Variants in UNC79 observed in about 807,000 individuals in gnomAD.
The protein encoded by UNC79 is protein unc-79 homolog.
Under a neutral mutation model 283.1 loss-of-function variants are expected in UNC79, and 37 were observed. The ratio of observed to expected loss-of-function variants is 0.13; its 90% CI spans 0.10 to 0.17. The LOEUF (loss-of-function observed/expected upper bound fraction) is 0.17, where lower values mean the gene tolerates loss of function less well. Ranked by LOEUF, UNC79 falls within the 10% of genes least tolerant of loss-of-function variation. The pLI is 1.00. For synonymous variants in UNC79, 1,107 were observed against 1,200.2 expected (o/e 0.92, Z 1.61); for missense variants, 2,272 against 3,211.1 (o/e 0.71, Z 7.07).
chr14:93,571,446 G>T (rs370536810), intron 14 of UNC79, among the ~76,000 whole-genome samples: 1 of 152,130 alleles, frequency 6.6e-6, no homozygotes, highest in Non-Finnish European at 1.5e-5. Flanking sequence ...GTGTACTACC[G>T]TATTTCCTGT....
intron 1 of UNC79, among the ~76,000 whole-genome samples, chr14:93,362,914 T>G (rs2054255276): frequency 1.3e-5 from 2 of 152,140 alleles, no homozygotes; most frequent in African/African-American, 4.8e-5. Flanking sequence ...ATCAATCATA[T>G]TCTTTCAAAG....
chr14:93,349,686 G>GA (rs2053943887), intron 1 of UNC79, among the ~76,000 whole-genome samples: 1 of 152,120 alleles, frequency 6.6e-6, no homozygotes, highest in Non-Finnish European at 1.5e-5. Context: ...ATCATGCCTT[G>GA]AAAGTGGACT....
At chr14:93,422,996 G>T (rs1044786342) in intron 1 of UNC79, among the ~76,000 whole-genome samples, 14 of 146,858 alleles carry the variant, frequency 9.5e-5, no homozygotes, top group Non-Finnish European at 1.5e-4. Context: ...CTGGGAGGTG[G>T]AGCTTGCAGT....
intron 14 of UNC79, among the ~76,000 whole-genome samples, chr14:93,562,088 G>A (rs987831684): frequency 6.6e-6 from 1 of 152,170 alleles, no homozygotes; most frequent in Non-Finnish European, 1.5e-5. Flanking sequence ...GAGTACTTGC[G>A]ACTTCCAGGA....
intron 30 of UNC79, among the ~76,000 whole-genome samples, chr14:93,628,553 G>A (rs1300851269): frequency 2.6e-5 from 4 of 152,110 alleles, no homozygotes; most frequent in Non-Finnish European, 5.9e-5. Context: ...ATTATTGTCT[G>A]TCTCTCCCCT....
Position 93,388,273 on chromosome 14 carries a change from G to A in UNC79, c.-351+54750G>A, listed in dbSNP as rs190777292. ...ACTACAGGCACATACCACCACACCC[G>A]ACTATAAAAGTTAATATTCTATAGC... is the stretch of plus-strand genomic sequence containing the variant. On this transcript the variant is annotated intron_variant, in intron 1 of 49. Transcript: ENST00000256339. 3.9e-5 allele frequency among the ~76,000 whole-genome samples: 6 copies of A among 152,158 alleles called. No individual in the cohort carries two copies. In the East Asian group the frequency reaches 1.2e-3, roughly 29 times the overall value.
chr14:93,631,316 G>C lies in UNC79; in HGVS notation c.5716+408G>C. Among the ~76,000 whole-genome samples, 2 of 152,140 alleles carry C rather than the reference G, an allele frequency of 1.3e-5. 1 individual carries two copies. Among genetic ancestry groups the C allele is most frequent in the East Asian group, 3.8e-4 (2 of 5,200 alleles). On this transcript the variant is annotated intron_variant, in intron 31 of 48. Transcript: ENST00000555664. ...GTCGCCTCCATCATTGACAAAATTT[G>C]ATCTAGGTTATCGTAAAATAAATGT...
At chr14:93,689,487 C>CT (rs57033556) in intron 44 of UNC79, 40,786 of 119,196 alleles carry the variant, frequency 0.34, 7,757 homozygotes, top group East Asian at 0.69. Context: ...GAAGAAATTT[C>CT]TTTTTTTTTT....
At position 93,536,695 on chromosome 14, in the gene UNC79, C is replaced by G. The variant is rs763539177; in HGVS notation, c.1123-1294C>G. ...TGAGGCTCCTGGGAATGATGACTTACGATTCTTAGAACCCTTATTGTTGAA... is the reference window on the plus strand; with the variant it reads ...TGAGGCTCCTGGGAATGATGACTTAGGATTCTTAGAACCCTTATTGTTGAA... On this transcript the variant is annotated intron_variant, in intron 11 of 48. Coordinates refer to ENST00000555664, the Ensembl canonical transcript of UNC79. Among the ~76,000 whole-genome samples the G allele has an allele frequency of 5.3e-5, 8 of 151,340 alleles. No homozygotes were observed. In the South Asian group the frequency reaches 1.1e-3, roughly 20 times the overall value.
intron 29 of UNC79, among the ~76,000 whole-genome samples, chr14:93,619,000 C>T (rs541503230): frequency 5.3e-5 from 8 of 152,192 alleles, no homozygotes; most frequent in East Asian, 1.9e-4. Context: ...GTGTAAGTCA[C>T]GGCTGACTAG....
intron 14 of UNC79, among the ~76,000 whole-genome samples, chr14:93,563,609 A>G (rs1245321465): frequency 6.6e-6 from 1 of 152,158 alleles, no homozygotes; most frequent in East Asian, 1.9e-4. Context: ...GGAAGATACT[A>G]CTACAGCATA....
chr14:93,667,652 T>C (rs932771487), intron 40 of UNC79, among the ~76,000 whole-genome samples: 8 of 151,798 alleles, frequency 5.3e-5, no homozygotes, highest in Admixed American at 1.3e-4. Flanking sequence ...ACTAATAGAA[T>C]AGAAAAAAAG....
chr14:93,425,427 G>A (rs1203970554), upstream of UNC79, among the ~76,000 whole-genome samples: 3 of 152,162 alleles, frequency 2.0e-5, no homozygotes, highest in Non-Finnish European at 4.4e-5. Flanking sequence ...GTCAAATATA[G>A]CCAAGATAAA....
At chr14:93,465,810 C>T (rs1047378828) in intron 1 of UNC79, among the ~76,000 whole-genome samples, 14 of 152,144 alleles carry the variant, frequency 9.2e-5, no homozygotes, top group African/African-American at 3.1e-4. Context: ...AAATACTCTA[C>T]AGAAACTTGC....
chr14:93,490,906 C>T (rs2058692318), intron 5 of UNC79, among the ~76,000 whole-genome samples: 1 of 152,142 alleles, frequency 6.6e-6, no homozygotes, highest in Non-Finnish European at 1.5e-5. Context: ...CAGCATCACC[C>T]CACTTCTCAG....
chr14:93,353,094 C>T (rs1026325720), intron 1 of UNC79, among the ~76,000 whole-genome samples: 1 of 152,348 alleles, frequency 6.6e-6, no homozygotes, highest in East Asian at 1.9e-4. Flanking sequence ...CCCACCACAC[C>T]TTGACTTGAC....
intron 44 of UNC79, 195 bp from the exon 48 acceptor site, chr14:93,689,922 T>G: frequency 1.7e-6 from 1 of 593,318 alleles, no homozygotes; most frequent in Non-Finnish European, 2.9e-6. Flanking sequence ...CTCAAGAAGC[T>G]GAGATCCAGG....
At chr14:93,516,347 C>A (rs933763895) in intron 7 of UNC79, among the ~76,000 whole-genome samples, 6 of 150,094 alleles carry the variant, frequency 4.0e-5, no homozygotes, top group Non-Finnish European at 5.9e-5. Context: ...CAGATTTGTT[C>A]TTTTAAAGAA....
intron 41 of UNC79, among the ~76,000 whole-genome samples, chr14:93,678,298 A>G (rs2073525301): frequency 6.6e-6 from 1 of 152,208 alleles, no homozygotes; most frequent in Non-Finnish European, 1.5e-5. Context: ...AGTAACCAGA[A>G]GGAAAAACTC....
Sources: gnomAD v4.1 joint callset for allele counts (sites outside exome capture counted in the v4.1 genomes callset) on GRCh38, gnomAD v4.1.1 for gene constraint, MANE v1.5 for transcripts, NCBI Gene and HGNC (gene_info 2026-07-23, HGNC 2026-07-21) for gene names.